The following HAUS7 variants were observed in gnomAD, a reference collection of about 807,000 sequenced individuals.
HAUS7 encodes HAUS augmin like complex subunit 7, also known as HAUS augmin-like complex subunit 7.
HAUS7 carries 3 observed loss-of-function variants against 28.4 expected under a neutral mutation model. The observed-to-expected ratio is 0.11, with a 90% CI of 0.05 to 0.27. The LOEUF is 0.27. Ranked by LOEUF, HAUS7 falls within the 10% of genes least tolerant of loss-of-function variation. The pLI is 1.00. For synonymous variants in HAUS7, 165 were observed against 132.1 expected (o/e 1.25, Z -1.71); for missense variants, 284 against 297.3 (o/e 0.96, Z 0.33).
intron 1 of HAUS7, among the ~76,000 whole-genome samples, chrX:153,483,796 CAGGA>C (rs1240991496): frequency 7.1e-5 from 8 of 112,233 alleles, no homozygotes; most frequent in Non-Finnish European, 1.3e-4. Context: ...TGCCGGCCCC[CAGGA>C]AGCTCACCTG....
At position 153,457,381 on chromosome X, in the gene HAUS7, A is replaced by T. The variant is rs111266201; in HGVS notation, c.355-153T>A. ...TCAACGACCCTGTGCCTGCCCAGCAATGTCTTGGACTAGCAAGTGCTCCCT... is the reference window on the plus strand; with the variant it reads ...TCAACGACCCTGTGCCTGCCCAGCATTGTCTTGGACTAGCAAGTGCTCCCT... On this transcript the variant is annotated intron_variant, in intron 4 of 9. Coordinates refer to ENST00000370211, the MANE Select transcript of HAUS7 (RefSeq NM_001385482.1). 3.8e-3 allele frequency among the ~76,000 whole-genome samples: 434 copies of T among 113,153 alleles called. 4 individuals carry two copies. Among genetic ancestry groups the T allele is most frequent in the African/African-American group, 0.013 (390 of 31,198 alleles).
At chrX:153,464,085 C>T (rs2089427244) in intron 3 of HAUS7, among the ~76,000 whole-genome samples, 1 of 112,911 alleles carries the variant, frequency 8.9e-6, no homozygotes, top group Non-Finnish European at 1.9e-5. Context: ...TCACACCCTA[C>T]TGGTCCTGGT....
intron 9 of HAUS7, among the ~76,000 whole-genome samples, chrX:153,451,712 A>C (rs3020963): frequency 0.085 from 9,463 of 111,878 alleles, 907 homozygotes; most frequent in African/African-American, 0.28. Context: ...ACTAAACAAG[A>C]AGCTCAGGAG....
At chrX:153,455,181 A>C in intron 8 of HAUS7, 1 of 411,369 alleles carries the variant, frequency 2.4e-6, no homozygotes, top group Non-Finnish European at 4.5e-6. Context: ...GGTCATCCAC[A>C]AGAATGAATG....
rs781941090 is a variant in HAUS7, at chrX:153,462,616, G to A, written c.348C>T (p.Leu116=). 9.2e-6 allele frequency: 11 copies of A among 1,198,228 alleles called. No individual in the cohort carries two copies. In the South Asian group the frequency reaches 1.9e-4, roughly 21 times the overall value. Residue 116 remains leucine, a synonymous_variant, in exon 4 of 10, where the codon CTC becomes CTT. Coordinates refer to ENST00000370211, the MANE Select transcript of HAUS7 (RefSeq NM_001385482.1). The part of the protein sequence containing the change: ...LMLCAPDDQE[L]LKGCACAQKQ... ...CAGACAGAGGCCCTCTTACCTTGAG[G>A]AGCTCCTGGTCATCTGGCGCACACA...
chrX:153,483,396 A>T, intron 1 of HAUS7: 2 of 755,512 alleles, frequency 2.6e-6, no homozygotes. Context: ...CTCAGCCACA[A>T]CTGGCTTCAG....
At chrX:153,452,992 C>G (rs1012658604) in intron 9 of HAUS7, among the ~76,000 whole-genome samples, 1 of 111,969 alleles carries the variant, frequency 8.9e-6, no homozygotes, top group Non-Finnish European at 1.9e-5. Context: ...AAGAAAAATA[C>G]GTTCACACAA....
In HAUS7 at chrX:153,457,122, C is replaced by A. The variant is rs2089323932; in HGVS notation, c.446+15G>T. 2 of 1,088,306 alleles carry A rather than the reference C, an allele frequency of 1.8e-6. No homozygotes were observed. The highest frequency in any genetic ancestry group is 6.0e-5 in the East Asian group (2 of 33,328). 89.7% of individuals were successfully genotyped at this position (1,088,306 alleles called of 1,213,427 possible). ...GCCCGTCAATACTGCCCACCTGGGC[C>A]ATCCACACCTTTACCTCGAGCAACT... is the stretch of plus-strand genomic sequence containing the variant. On this transcript the variant is annotated intron_variant, in intron 5 of 9. Coordinates refer to ENST00000370211, the MANE Select transcript of HAUS7 (RefSeq NM_001385482.1).
At chrX:153,484,837 G>C (rs1240877124) in intron 1 of HAUS7, among the ~76,000 whole-genome samples, 1 of 112,973 alleles carries the variant, frequency 8.9e-6, no homozygotes, top group Admixed American at 9.3e-5. Context: ...TGCCTCAGCC[G>C]CGGCCTCTCC....
At chrX:153,488,297 C>T (rs897394926) in intron 1 of HAUS7, among the ~76,000 whole-genome samples, 4 of 113,314 alleles carry the variant, frequency 3.5e-5, no homozygotes, top group Non-Finnish European at 7.5e-5. Flanking sequence ...CGGGGCCGCC[C>T]CTCTCCTTCC....
At chrX:153,455,270 A>G (rs1367979601) in intron 8 of HAUS7, 1 of 437,727 alleles carries the variant, frequency 2.3e-6, no homozygotes, top group East Asian at 3.9e-5. Flanking sequence ...GACACGCAGG[A>G]CCCCACACCG....
chrX:153,450,507 C>T (rs782182431), intron 9 of HAUS7, among the ~76,000 whole-genome samples: 4 of 112,497 alleles, frequency 3.6e-5, no homozygotes, highest in Non-Finnish European at 7.5e-5. Context: ...CCGCTGAGCC[C>T]GTCACCACTG....
chrX:153,474,750 C>T (rs1275896359), upstream of HAUS7, among the ~76,000 whole-genome samples: 2 of 65,921 alleles, frequency 3.0e-5, no homozygotes, highest in Non-Finnish European at 5.5e-5. Context: ...GGCGCTGGCG[C>T]GGGATGGGCG....
At chrX:153,448,961 T>C (rs1556980646) in intron 9 of HAUS7, among the ~76,000 whole-genome samples, 1 of 112,376 alleles carries the variant, frequency 8.9e-6, no homozygotes, top group Non-Finnish European at 1.9e-5. Context: ...ATTAACCAGA[T>C]GGAGAACACT....
intron 9 of HAUS7, among the ~76,000 whole-genome samples, chrX:153,450,456 G>A (rs1254900015): frequency 3.6e-5 from 4 of 112,007 alleles, no homozygotes; most frequent in African/African-American, 9.7e-5. Context: ...CTGGCACCCC[G>A]CTGCCCCTTG....
At chrX:153,474,732 G>GGGGCGC (rs1222962063), upstream of HAUS7, among the ~76,000 whole-genome samples, 2 of 92,776 alleles carry the variant, frequency 2.2e-5, no homozygotes, top group Non-Finnish European at 4.1e-5. Context: ...GGCGGGGGCG[G>GGGGCGC]GGGCGCGGGC....
At chrX:153,489,569 GA>G (rs1241683371) in intron 1 of HAUS7, among the ~76,000 whole-genome samples, 1 of 112,421 alleles carries the variant, frequency 8.9e-6, no homozygotes, top group Non-Finnish European at 1.9e-5. Context: ...CTCAGATGGG[GA>G]TGGGGATGCT....
At chrX:153,480,023 T>G (rs1181013335) in intron 1 of HAUS7, among the ~76,000 whole-genome samples, 3 of 111,984 alleles carry the variant, frequency 2.7e-5, no homozygotes, top group Non-Finnish European at 3.8e-5. Context: ...GGGCTTTCAC[T>G]TCTAAAAGCA....
At chrX:153,483,187 G>A (rs2089612396) in intron 1 of HAUS7, 8 of 395,077 alleles carry the variant, frequency 2.0e-5, no homozygotes, top group Non-Finnish European at 2.6e-5. Flanking sequence ...GCACAGACAT[G>A]GCTGGGTGGA....
Sources: allele counts gnomAD v4.1 joint callset (sites outside exome capture counted in the v4.1 genomes callset), GRCh38; gene constraint gnomAD v4.1.1; transcripts MANE v1.5; gene names NCBI Gene and HGNC (gene_info 2026-07-23, HGNC 2026-07-21).